The following SFMBT2 variants were observed in gnomAD, a reference collection of about 807,000 sequenced individuals.
SFMBT2 encodes the protein Scm like with four mbt domains 2, also known as scm-like with four MBT domains protein 2.
A neutral mutation model predicts 110.1 loss-of-function variants in SFMBT2; 38 were observed. The observed-to-expected ratio is 0.35, with a 90% confidence interval of 0.27 to 0.45. The LOEUF (loss-of-function observed/expected upper bound fraction) is 0.45. SFMBT2 is among the 20% of genes least tolerant of loss of function. The pLI is 1.00. For missense variants in SFMBT2, 1,011 were observed against 1,094.9 expected, an observed-to-expected ratio of 0.92 and a Z score of 1.08; for synonymous variants, 425 against 425.4, an observed-to-expected ratio of 1.00 and a Z score of 0.01.
intron 7 of SFMBT2, among the ~76,000 whole-genome samples, chr10:7,274,687 A>G (rs10905148): frequency 0.56 from 84,849 of 151,920 alleles, 24,145 homozygotes; most frequent in East Asian, 0.79. Context: ...CCCTAACAGC[A>G]TGAGAACAAA....
At chr10:7,270,377 T>G (rs1168783852) in intron 7 of SFMBT2, among the ~76,000 whole-genome samples, 1 of 152,138 alleles carries the variant, frequency 6.6e-6, no homozygotes, top group Non-Finnish European at 1.5e-5. Context: ...TTCTAAGTCA[T>G]CCAGTCCATG....
chr10:7,205,358 T>G, intron 12 of SFMBT2: 3 of 968,420 alleles, frequency 3.1e-6, no homozygotes, highest in Non-Finnish European at 3.7e-6. Context: ...CCCAAAGTAC[T>G]GAGATTATAG....
chr10:7,169,430 G>A (rs1230976665), intron 20 of SFMBT2, among the ~76,000 whole-genome samples: 1 of 152,132 alleles, frequency 6.6e-6, no homozygotes, highest in African/African-American at 2.4e-5. Context: ...CCAGTTCATT[G>A]CTGCATGAAC....
At chr10:7,393,027 ATATATAT>A (rs1411675439) in intron 1 of SFMBT2, among the ~76,000 whole-genome samples, 2 of 52,478 alleles carry the variant, frequency 3.8e-5, no homozygotes, top group African/African-American at 2.0e-4. Flanking sequence ...ATATATATAT[ATATATAT>A]AATTTTTTTT....
intron 4 of SFMBT2, among the ~76,000 whole-genome samples, chr10:7,321,226 G>C (rs1424273400): frequency 7.4e-6 from 1 of 134,446 alleles, no homozygotes; most frequent in Non-Finnish European, 1.5e-5. Context: ...TTTTGAGACA[G>C]AGTCTCACTC....
In SFMBT2 at chr10:7,292,858, TGGCAGGTGCCTGTAGTAC is replaced by T. The variant is rs1461518206; in HGVS notation, c.437-6922_437-6905del. Among the ~76,000 whole-genome samples, 3 of 151,954 alleles carry T rather than the reference TGGCAGGTGCCTGTAGTAC, an allele frequency of 2.0e-5. No individual in the cohort carries two copies. The East Asian group carries it at 5.8e-4, about 29-fold the overall frequency. On this transcript the variant is annotated intron_variant, in intron 4 of 20. Coordinates refer to ENST00000397167, the MANE Select transcript of SFMBT2 (RefSeq NM_001387889.1). ...AAATAGAAAAATTAGCCGGGCATGG[TGGCAGGTGCCTGTAGTAC>T]CAGCTACTAGGAAGGCTGAGGCAGG...
At chr10:7,315,494 T>G (rs960932549) in intron 4 of SFMBT2, among the ~76,000 whole-genome samples, 1 of 152,154 alleles carries the variant, frequency 6.6e-6, no homozygotes, top group Non-Finnish European at 1.5e-5. Context: ...CAAGAACTAT[T>G]CCACCAGTTC....
At chr10:7,344,953 T>C (rs1337750461) in intron 4 of SFMBT2, among the ~76,000 whole-genome samples, 3 of 120,750 alleles carry the variant, frequency 2.5e-5, no homozygotes, top group African/African-American at 3.6e-5. Flanking sequence ...AGCGAGACTC[T>C]GTCTCAAAAA....
intron 15 of SFMBT2, 91 bp downstream of exon 15, chr10:7,197,457 C>T: frequency 6.6e-7 from 1 of 1,524,674 alleles, no homozygotes; most frequent in Non-Finnish European, 8.9e-7. Context: ...TGAACTGCTT[C>T]CAATGCCTAT....
chr10:7,376,727 CAA>C (rs35816107), intron 2 of SFMBT2, among the ~76,000 whole-genome samples: 317 of 44,664 alleles, frequency 7.1e-3, no homozygotes, highest in African/African-American at 0.014. Flanking sequence ...GGCCCTCCCA[CAA>C]AAAAAAAAAA....
chr10:7,204,933 CAT>C, intron 12 of SFMBT2: 2 of 985,036 alleles, frequency 2.0e-6, no homozygotes, highest in Non-Finnish European at 2.4e-6. Context: ...TGTGTGCACA[CAT>C]GTATGAATGG....
chr10:7,238,356 C>G (rs910544474), intron 9 of SFMBT2, among the ~76,000 whole-genome samples: 10 of 152,146 alleles, frequency 6.6e-5, no homozygotes, highest in African/African-American at 2.4e-4. Flanking sequence ...ATCTATAATG[C>G]TTTCGTGTTT....
At chr10:7,383,598 G>T (rs1429409349) in intron 1 of SFMBT2, among the ~76,000 whole-genome samples, 3 of 152,206 alleles carry the variant, frequency 2.0e-5, no homozygotes, top group African/African-American at 4.8e-5. Flanking sequence ...TTCGGAGAAT[G>T]AACTATAAAA....
In SFMBT2 at chr10:7,189,093, T is replaced by G. The variant is rs112842211; in HGVS notation, c.1699-360A>C. 1.7e-4 allele frequency: 153 copies of G among 909,560 alleles called. 1 individual carries two copies. The African/African-American group carries it at 2.4e-3, about 14-fold the overall frequency. The allele number at this position is 909,560 out of a possible 1,614,324, so 56.3% of individuals were successfully genotyped here. On this transcript the variant is annotated intron_variant, in intron 15 of 20. Coordinates refer to ENST00000397167, the MANE Select transcript of SFMBT2 (RefSeq NM_001387889.1). ...ATTACTCTTCAGTTGGATAGGCTAC[T>G]GAGAATTTCATTCTATTTTTACAGA...
chr10:7,403,672 G>T (rs998287396), intron 1 of SFMBT2, among the ~76,000 whole-genome samples: 42 of 152,196 alleles, frequency 2.8e-4, no homozygotes, highest in Admixed American at 1.3e-3. Context: ...AATAAATAAA[G>T]TGCTACACAA....
intron 4 of SFMBT2, among the ~76,000 whole-genome samples, chr10:7,310,764 G>A (rs1643779237): frequency 6.6e-6 from 1 of 152,190 alleles, no homozygotes; most frequent in Non-Finnish European, 1.5e-5. Flanking sequence ...TGTCAGCCAG[G>A]GCTAGACGCG....
chr10:7,340,269 C>T (rs1843849730), intron 4 of SFMBT2, among the ~76,000 whole-genome samples: 1 of 152,010 alleles, frequency 6.6e-6, no homozygotes, highest in African/African-American at 2.4e-5. Context: ...GGTCTTCATC[C>T]TCTCATCTTC....
At chr10:7,336,677 CA>C (rs1843725070) in intron 4 of SFMBT2, among the ~76,000 whole-genome samples, 2 of 151,986 alleles carry the variant, frequency 1.3e-5, no homozygotes, top group Admixed American at 1.3e-4. Flanking sequence ...ATCAATCAAT[CA>C]ATCAATCAGA....
rs957596336 is a variant in SFMBT2 at position 7,301,837 on chromosome 10, G to A, written c.437-15883C>T. Among the ~76,000 whole-genome samples, 2 of 151,916 alleles carry A rather than the reference G, an allele frequency of 1.3e-5. No homozygotes were observed. Among genetic ancestry groups the A allele is most frequent in the East Asian group, 1.9e-4 (1 of 5,186 alleles). On this transcript the variant is annotated intron_variant, in intron 4 of 20. Coordinates refer to ENST00000397167, the MANE Select transcript of SFMBT2 (RefSeq NM_001387889.1). The surrounding 1 kb of genome is among the most constrained non-coding windows in gnomAD (Gnocchi z 4.2). ...GAGAACTGCGTGGCTCTAGACTATCGAAGGGGAAAAAAAACCACTGGTGTA... is the reference window on the plus strand; with the variant it reads ...GAGAACTGCGTGGCTCTAGACTATCAAAGGGGAAAAAAAACCACTGGTGTA...
Sources: gnomAD v4.1 joint callset for allele counts (sites outside exome capture counted in the v4.1 genomes callset) on GRCh38, gnomAD v4.1.1 for gene constraint, Gnocchi (gnomAD v3.1) non-coding constraint, MANE v1.5 for transcripts, NCBI Gene and HGNC (gene_info 2026-07-23, HGNC 2026-07-21) for gene names.